TP63: variants seen among roughly 807,000 people sequenced by gnomAD.
TP63 encodes tumor protein 63.
A neutral mutation model predicts 82.8 loss-of-function variants in TP63; 17 were observed. The ratio of observed to expected loss-of-function variants is 0.21; its 90% CI spans 0.14 to 0.31. TP63 has a LOEUF of 0.31. TP63 is among the 10% of genes least tolerant of loss of function. TP63 has a pLI of 1.00. For synonymous variants in TP63, 330 were observed against 321.7 expected, an observed-to-expected ratio of 1.03 and a Z score of -0.28; for missense variants, 648 against 895.3, an observed-to-expected ratio of 0.72 and a Z score of 3.52.
chr3:189,698,855 C>T (rs996699862), intron 1 of TP63, among the ~76,000 whole-genome samples: 1 of 151,928 alleles, frequency 6.6e-6, no homozygotes, highest in Non-Finnish European at 1.5e-5. Flanking sequence ...TTTTTGAATA[C>T]AGAGCTATAA....
intron 10 of TP63, among the ~76,000 whole-genome samples, chr3:189,876,050 C>T (rs1321304803): frequency 6.6e-6 from 1 of 152,068 alleles, no homozygotes; most frequent in Non-Finnish European, 1.5e-5. Flanking sequence ...TTCCCATGGT[C>T]TACAATTTAA....
intron 4 of TP63, among the ~76,000 whole-genome samples, chr3:189,819,010 A>T (rs2108666376): frequency 6.6e-6 from 1 of 152,306 alleles, no homozygotes; most frequent in South Asian, 2.1e-4. Flanking sequence ...AAAACCATGG[A>T]TTTAGTGAAT....
chr3:189,668,603 A>G (rs930123291), intron 1 of TP63, among the ~76,000 whole-genome samples: 2 of 152,154 alleles, frequency 1.3e-5, no homozygotes, highest in African/African-American at 4.8e-5. Flanking sequence ...AAATAAAAAT[A>G]TTGAAGAAAA....
At chr3:189,734,148 G>A (rs1263459661) in intron 1 of TP63, among the ~76,000 whole-genome samples, 9 of 62,088 alleles carry the variant, frequency 1.4e-4, no homozygotes, top group Admixed American at 4.4e-4. Flanking sequence ...CCCTCCCTCC[G>A]TCCCTCCCTC....
At chr3:189,867,979 A>C in intron 7 of TP63, 37 bp downstream of exon 7, 3 of 1,568,624 alleles carry the variant, frequency 1.9e-6, no homozygotes, top group Non-Finnish European at 2.6e-6. Flanking sequence ...TCTACACAAA[A>C]AATCACGAGC....
At chr3:189,666,503 T>G (rs1714402135) in intron 1 of TP63, among the ~76,000 whole-genome samples, 1 of 152,048 alleles carries the variant, frequency 6.6e-6, no homozygotes, top group South Asian at 2.1e-4. Flanking sequence ...AACAATGAAA[T>G]TGGGAGGTTT....
At chr3:189,842,548 C>G (rs530461654) in intron 4 of TP63, among the ~76,000 whole-genome samples, 23 of 152,214 alleles carry the variant, frequency 1.5e-4, no homozygotes, top group African/African-American at 5.3e-4. Flanking sequence ...ATTGTGTCTT[C>G]CTGTATTGCT....
rs545675877 is a variant in TP63 at position 189,808,533 on chromosome 3, G to T, written c.579+7G>T. On this transcript the variant is annotated splice_region_variant and intron_variant, in intron 4 of 13. Coordinates refer to ENST00000264731, the MANE Select transcript of TP63 (RefSeq NM_003722.5). ...CAAGTCGGCCACCTGGACGGTAAGA[G>T]CAGCGGGCACGCACATACCTGACCC... 1 of 1,613,444 alleles carries T rather than the reference G, an allele frequency of 6.2e-7. No individual in the cohort carries two copies. The highest frequency in any genetic ancestry group is 1.1e-5 in the South Asian group (1 of 91,082).
intron 4 of TP63, among the ~76,000 whole-genome samples, chr3:189,828,784 A>G (rs1711844617): frequency 1.3e-5 from 2 of 152,208 alleles, no homozygotes; most frequent in Admixed American, 6.5e-5. Context: ...CTAAATCTTG[A>G]TATCTTTTTC....
chr3:189,723,952 A>G (rs75636910), intron 1 of TP63, among the ~76,000 whole-genome samples: 9,412 of 151,542 alleles, frequency 0.062, 417 homozygotes, highest in Non-Finnish European at 0.093. Flanking sequence ...TTGTGTTATC[A>G]CACCAAAATC....
intron 1 of TP63, among the ~76,000 whole-genome samples, chr3:189,705,592 C>G (rs536091629): frequency 7.2e-4 from 110 of 152,178 alleles, no homozygotes; most frequent in Middle Eastern, 3.4e-3. Context: ...GTGCACACCT[C>G]CCATCCCAGA....
Position 189,631,550 on chromosome 3 carries a change from A to C in TP63, c.35A>C (p.Gln12Pro). 1 of 1,612,994 alleles carries C rather than the reference A, an allele frequency of 6.2e-7. No individual in the cohort carries two copies. The highest frequency in any genetic ancestry group is 8.5e-7 in the Non-Finnish European group (1 of 1,179,176). ...NFETSRCATL[Q>P]YCPDPYIQRF... ...GAAACTTCACGGTGTGCCACCCTAC[A>C]GTACTGCCCTGACCCTTACATCCAG... The change falls in exon 1 of 14, where the codon CAG becomes CCG. Residue 12 changes from glutamine (Q) to proline (P), a missense_variant. Physicochemically the swap from Gln to Pro is moderately conservative, Grantham distance 76. Around this residue, in one of 5 missense-constraint regions of TP63, gnomAD observed 182 missense variants for 213.6 expected, o/e 0.85. Coordinates refer to ENST00000264731, the MANE Select transcript of TP63 (RefSeq NM_003722.5).
Position 189,873,013 on chromosome 3 carries a change from T to C in TP63, c.1349+18T>C. On this transcript the variant is annotated intron_variant, in intron 10 of 13. Transcript: ENST00000264731. ...CAGAAACAGTGAGTGTATCAACGTGTCATTTTAGGAGGCATGAGTGAGGGT... is the reference window on the plus strand; with the variant it reads ...CAGAAACAGTGAGTGTATCAACGTGCCATTTTAGGAGGCATGAGTGAGGGT... The C allele has an allele frequency of 6.2e-7, 1 of 1,614,114 alleles. No individual in the cohort carries two copies. The highest frequency in any genetic ancestry group is 2.2e-5 in the East Asian group (1 of 44,874).
At chr3:189,623,479 G>A in the TP63 span, among the ~76,000 whole-genome samples, 1 of 152,178 alleles carries the variant, frequency 6.6e-6, no homozygotes, top group Admixed American at 6.6e-5. Flanking sequence ...TCACAGCCAT[G>A]CCATAGTTAT....
chr3:189,834,960 C>T (rs1712918705), intron 4 of TP63, among the ~76,000 whole-genome samples: 2 of 147,504 alleles, frequency 1.4e-5, no homozygotes, highest in Non-Finnish European at 3.0e-5. Context: ...AGAACTGGGT[C>T]ATATGTCTCT....
At chr3:189,715,358 G>A (rs1718885095) in intron 1 of TP63, among the ~76,000 whole-genome samples, 1 of 152,064 alleles carries the variant, frequency 6.6e-6, no homozygotes, top group Non-Finnish European at 1.5e-5. Context: ...TTTTTCCTGT[G>A]GTTATCTTTT....
At chr3:189,875,607 T>TATATATATATATATATATATACACAC (rs1719002318) in intron 10 of TP63, among the ~76,000 whole-genome samples, 4 of 56,106 alleles carry the variant, frequency 7.1e-5, no homozygotes, top group Non-Finnish European at 1.7e-4. Flanking sequence ...TATATATATA[T>TATATATATATATATATATATACACAC]ATATATATAT....
At chr3:189,880,001 A>G (rs1719727440) in intron 10 of TP63, 7 of 1,582,614 alleles carry the variant, frequency 4.4e-6, no homozygotes, top group Middle Eastern at 1.7e-4. Flanking sequence ...TCTGAATTCA[A>G]TTGATTTGAA....
chr3:189,778,838 G>A (rs918707973), intron 3 of TP63, among the ~76,000 whole-genome samples: 4 of 152,132 alleles, frequency 2.6e-5, no homozygotes, highest in African/African-American at 7.2e-5. Context: ...ACAAAACCTC[G>A]TGAATCAAAG....
Sources: gnomAD v4.1 joint callset for allele counts (sites outside exome capture counted in the v4.1 genomes callset) on GRCh38, gnomAD v4.1.1 for gene constraint, gnomAD v4.1.1 regional missense constraint, MANE v1.5 for transcripts, NCBI Gene and HGNC (gene_info 2026-07-23, HGNC 2026-07-21) for gene names.